The following SPOP variants were observed in gnomAD, a reference collection of about 807,000 sequenced individuals.
SPOP encodes speckle type BTB/POZ protein, also known as speckle-type POZ protein.
A neutral mutation model predicts 45.6 loss-of-function variants in SPOP; 11 were observed. The observed-to-expected ratio is 0.24, with a 90% CI of 0.15 to 0.40. SPOP has a LOEUF of 0.40. Among genes scored for constraint, SPOP ranks in the 10% least tolerant of loss-of-function variants. SPOP has a pLI of 1.00. For synonymous variants in SPOP, 166 were observed against 166.3 expected (o/e 1.00, Z 0.01); for missense variants, 152 against 465.6 (o/e 0.33, Z 6.20).
intron 1 of SPOP, among the ~76,000 whole-genome samples, chr17:49,663,893 AC>A (rs377325539): frequency 9.2e-5 from 14 of 152,364 alleles, no homozygotes; most frequent in African/African-American, 3.1e-4. Context: ...TAGCTACTTG[AC>A]AGCTTCCCAA....
rs2072176009 is a variant in SPOP at position 49,619,609 on chromosome 17, T to A, written c.201-224A>T. ...GTGCAGTGGTATGATCATGGCTTAC[T>A]GCAACCTCGATCTCCCTGGGCTCAG... On this transcript the variant is annotated intron_variant, in intron 3 of 9. Transcript: ENST00000504102. This position sits in a 1 kb window ranked among gnomAD's most constrained non-coding sequence, Gnocchi z 4.9. 6.6e-6 allele frequency among the ~76,000 whole-genome samples: 1 copy of A among 152,138 alleles called. No homozygotes were observed. The highest frequency in any genetic ancestry group is 1.5e-5 in the Non-Finnish European group (1 of 68,016).
chr17:49,657,897 G>A (rs2072936546), intron 1 of SPOP, among the ~76,000 whole-genome samples: 1 of 149,494 alleles, frequency 6.7e-6, no homozygotes. Context: ...GAGACAGGGT[G>A]TTACCATGTT....
chr17:49,647,313 T>TAAAAAAA (rs1156781114), intron 1 of SPOP, among the ~76,000 whole-genome samples: 1 of 43,116 alleles, frequency 2.3e-5, no homozygotes, highest in Non-Finnish European at 4.1e-5. Context: ...GATGCCGTCT[T>TAAAAAAA]AAAAAAAAAA....
intron 1 of SPOP, among the ~76,000 whole-genome samples, chr17:49,629,172 G>A (rs1055227789): frequency 1.3e-5 from 2 of 152,050 alleles, no homozygotes; most frequent in Admixed American, 6.5e-5. Context: ...AACCTGGGAG[G>A]CAGAGGTTGC....
chr17:49,673,981 T>C (rs1408379061), intron 1 of SPOP, among the ~76,000 whole-genome samples: 1 of 151,648 alleles, frequency 6.6e-6, no homozygotes. Context: ...ATCCCGTCTC[T>C]ACTAAAAATA....
Position 49,624,331 on chromosome 17 carries a change from GCACACACACACA to G in SPOP, c.-66-1467_-66-1456del, listed in dbSNP as rs58009760. 6.3e-3 allele frequency among the ~76,000 whole-genome samples: 944 copies of G among 149,300 alleles called. 4 individuals are homozygous for G. The highest frequency in any genetic ancestry group is 0.022 in the South Asian group (105 of 4,718). ...GGAACACACACACACGCGCGCGCGC[GCACACACACACA>G]CACACACACACACACACACACGGTA... On this transcript the variant is annotated intron_variant, in intron 1 of 9. Coordinates refer to ENST00000504102, the MANE Select transcript of SPOP (RefSeq NM_001007228.2).
At chr17:49,666,486 CA>C (rs1567804303) in intron 1 of SPOP, among the ~76,000 whole-genome samples, 54 of 151,136 alleles carry the variant, frequency 3.6e-4, no homozygotes, top group South Asian at 1.3e-3. Context: ...CACACACACA[CA>C]CACACACCCA....
intron 8 of SPOP, 99 bp from the exon 9 acceptor site, chr17:49,602,106 T>C: frequency 1.4e-6 from 2 of 1,382,396 alleles, no homozygotes; most frequent in Non-Finnish European, 9.9e-7. Flanking sequence ...ATTAACTAGA[T>C]ACTTGAATAG....
In SPOP at chr17:49,619,793, G is replaced by A. The variant is rs2072180216; in HGVS notation, c.201-408C>T. Among the ~76,000 whole-genome samples the A allele has an allele frequency of 2.0e-5, 3 of 152,098 alleles. No homozygotes were observed. Among genetic ancestry groups the A allele is most frequent in the Admixed American group, 2.0e-4 (3 of 15,270 alleles). On this transcript the variant is annotated intron_variant, in intron 3 of 9. Transcript: ENST00000504102. The surrounding 1 kb of genome is among the most constrained non-coding windows in gnomAD (Gnocchi z 4.9). ...GTCTGCCTCAGCCTCCCAGAGTGCT[G>A]GGATTACAGGAATAAGCAACCACAC...
At chr17:49,634,394 G>C (rs2072506097) in intron 1 of SPOP, among the ~76,000 whole-genome samples, 1 of 152,188 alleles carries the variant, frequency 6.6e-6, no homozygotes, top group Non-Finnish European at 1.5e-5. Context: ...TTCTAAAGAA[G>C]AGCTGAAAAA....
intron 5 of SPOP, among the ~76,000 whole-genome samples, chr17:49,618,091 C>A (rs1007367629): frequency 2.8e-4 from 42 of 152,164 alleles, no homozygotes; most frequent in African/African-American, 8.7e-4. Context: ...TATTATTTGA[C>A]CGAGCGAGTT....
Position 49,600,270 on chromosome 17 carries a change from A to G in SPOP, c.*108T>C, listed in dbSNP as rs1368774705. 1 of 1,459,116 alleles carries G rather than the reference A, an allele frequency of 6.9e-7. No homozygotes were observed. The highest frequency in any genetic ancestry group is 9.5e-7 in the Non-Finnish European group (1 of 1,057,608). The allele number at this position is 1,459,116 out of a possible 1,614,324, so 90.4% of individuals were successfully genotyped here. Reference sequence around the variant, plus strand: ...GGCCACAATGCAGTCTCTTCCCCTCACAACAGAGTAAAAGCTCCACAGATT... The same window carrying G: ...GGCCACAATGCAGTCTCTTCCCCTCGCAACAGAGTAAAAGCTCCACAGATT... On this transcript the variant is annotated 3_prime_UTR_variant, in exon 10 of 10. Transcript: ENST00000504102. The surrounding 1 kb of genome is among the most constrained non-coding windows in gnomAD (Gnocchi z 4.2).
At chr17:49,621,371 T>C (rs769042098) in intron 3 of SPOP, among the ~76,000 whole-genome samples, 1 of 152,238 alleles carries the variant, frequency 6.6e-6, no homozygotes, top group Non-Finnish European at 1.5e-5. Flanking sequence ...AGGGCAGAGA[T>C]GGTGTTCTTA....
At chr17:49,657,980 C>A (rs575064681) in intron 1 of SPOP, among the ~76,000 whole-genome samples, 1 of 152,088 alleles carries the variant, frequency 6.6e-6, no homozygotes, top group African/African-American at 2.4e-5. Flanking sequence ...GGATTACAGG[C>A]ATGAGCCACT....
intron 1 of SPOP, among the ~76,000 whole-genome samples, chr17:49,651,752 C>T (rs1203473552): frequency 1.3e-5 from 2 of 152,192 alleles, no homozygotes; most frequent in Non-Finnish European, 2.9e-5. Context: ...AACACGATGG[C>T]TCATGCCTGT....
intron 6 of SPOP, among the ~76,000 whole-genome samples, chr17:49,610,663 C>T (rs557288698): frequency 6.6e-6 from 1 of 152,274 alleles, no homozygotes; most frequent in African/African-American, 2.4e-5. Flanking sequence ...CTTGAAGGTT[C>T]ACACAATTTC....
intron 1 of SPOP, among the ~76,000 whole-genome samples, chr17:49,660,222 C>G (rs570003992): frequency 6.6e-6 from 1 of 152,346 alleles, no homozygotes; most frequent in African/African-American, 2.4e-5. Context: ...TCCAGTCATG[C>G]TGGCCTCCTT....
At chr17:49,611,551 T>A (rs2071973189) in intron 5 of SPOP, 94 bp from the exon 6 acceptor site, 4 of 1,112,662 alleles carry the variant, frequency 3.6e-6, no homozygotes, top group Non-Finnish European at 5.4e-6. Flanking sequence ...TGTAGTACAT[T>A]CAGATACTAA....
chr17:49,665,879 G>A (rs1020939451), intron 1 of SPOP, among the ~76,000 whole-genome samples: 1 of 151,192 alleles, frequency 6.6e-6, no homozygotes, highest in African/African-American at 2.4e-5. Flanking sequence ...AGCTACTCAG[G>A]AGGCTGAGGC....
Sources: gnomAD v4.1 joint callset for allele counts (sites outside exome capture counted in the v4.1 genomes callset) on GRCh38, gnomAD v4.1.1 for gene constraint, Gnocchi (gnomAD v3.1) non-coding constraint, MANE v1.5 for transcripts, NCBI Gene and HGNC (gene_info 2026-07-23, HGNC 2026-07-21) for gene names.